The following FGF14 variants were observed in gnomAD, a reference collection of about 807,000 sequenced individuals.
FGF14 encodes fibroblast growth factor 14, also known as fibroblast growth factor homologous factor 4.
A neutral mutation model predicts 25.5 loss-of-function variants in FGF14; 5 were observed. The observed-to-expected ratio is 0.20, with a 90% CI of 0.10 to 0.41. FGF14 has a LOEUF of 0.41. Ranked by LOEUF, FGF14 falls within the 10% of genes least tolerant of loss-of-function variation. FGF14 has a pLI of 1.00. For synonymous variants in FGF14, 138 were observed against 118.3 expected (o/e 1.17, Z -1.08); for missense variants, 222 against 320.1 (o/e 0.69, Z 2.34).
intron 1 of FGF14, among the ~76,000 whole-genome samples, chr13:101,986,529 A>C (rs2038589312): frequency 6.6e-6 from 1 of 152,124 alleles, no homozygotes; most frequent in African/African-American, 2.4e-5. Context: ...GAGTGTTCTG[A>C]GTCAAATACA....
chr13:101,844,479 T>G (rs2043347642), intron 3 of FGF14, among the ~76,000 whole-genome samples: 1 of 152,016 alleles, frequency 6.6e-6, no homozygotes, highest in Non-Finnish European at 1.5e-5. Flanking sequence ...ATTACAGAAT[T>G]TAGCATTTTA....
intron 3 of FGF14, among the ~76,000 whole-genome samples, chr13:101,850,600 T>C (rs1353197125): frequency 7.5e-6 from 1 of 133,986 alleles, no homozygotes; most frequent in Admixed American, 7.8e-5. Context: ...ATTATATAAT[T>C]CTATATATAG....
intron 1 of FGF14, among the ~76,000 whole-genome samples, chr13:102,204,752 GGCCAC>G (rs2049829297): frequency 6.6e-6 from 1 of 151,942 alleles, no homozygotes; most frequent in Non-Finnish European, 1.5e-5. Flanking sequence ...TCACCATGTT[GGCCAC>G]GCTAGTCTCG....
At chr13:101,806,826 T>C (rs570850760) in intron 3 of FGF14, among the ~76,000 whole-genome samples, 1 of 152,276 alleles carries the variant, frequency 6.6e-6, no homozygotes, top group South Asian at 2.1e-4. Flanking sequence ...GACCTAATGA[T>C]GTCATGTTTG....
At chr13:102,091,687 A>G (rs2044173102) in intron 1 of FGF14, among the ~76,000 whole-genome samples, 1 of 151,952 alleles carries the variant, frequency 6.6e-6, no homozygotes, top group South Asian at 2.1e-4. Context: ...TTTGAGTTTC[A>G]CTAGACCTTC....
intron 1 of FGF14, among the ~76,000 whole-genome samples, chr13:101,877,956 C>T (rs938068856): frequency 1.3e-5 from 2 of 152,122 alleles, no homozygotes; most frequent in African/African-American, 4.8e-5. Flanking sequence ...ATTTTCACTG[C>T]CAGCCCCTCA....
chr13:101,732,236 T>TAG (rs1566829729), intron 3 of FGF14, among the ~76,000 whole-genome samples: 1 of 152,214 alleles, frequency 6.6e-6, no homozygotes, highest in Non-Finnish European at 1.5e-5. Context: ...ACCTTGGTGT[T>TAG]ATCTAAGACT....
chr13:102,170,054 G>C (rs1217293267), intron 1 of FGF14, among the ~76,000 whole-genome samples: 1 of 152,134 alleles, frequency 6.6e-6, no homozygotes, highest in African/African-American at 2.4e-5. Flanking sequence ...CAGGAAAGGG[G>C]CAAAGTCCTT....
intron 3 of FGF14, among the ~76,000 whole-genome samples, chr13:101,797,782 T>TG (rs2040635579): frequency 6.9e-6 from 1 of 145,158 alleles, no homozygotes; most frequent in Non-Finnish European, 1.5e-5. Context: ...TGTGTGTGTG[T>TG]TCAACCTCAG....
chr13:102,057,244 C>A (rs2042472869), intron 1 of FGF14, among the ~76,000 whole-genome samples: 1 of 152,086 alleles, frequency 6.6e-6, no homozygotes, highest in African/African-American at 2.4e-5. Context: ...TAACTAGATT[C>A]AGTCACCTTT....
At chr13:101,738,944 A>G (rs202154814) in intron 3 of FGF14, among the ~76,000 whole-genome samples, 17 of 84,078 alleles carry the variant, frequency 2.0e-4, no homozygotes, top group Non-Finnish European at 4.2e-4. Flanking sequence ...TATATATTGT[A>G]TGTGTGTGTG....
intron 3 of FGF14, among the ~76,000 whole-genome samples, chr13:101,727,515 A>G (rs2035521275): frequency 6.6e-6 from 1 of 152,162 alleles, no homozygotes; most frequent in Non-Finnish European, 1.5e-5. Context: ...TTTGGAAAGC[A>G]TACAGTTTGT....
chr13:102,028,763 C>G (rs185509968), intron 1 of FGF14, among the ~76,000 whole-genome samples: 1 of 151,926 alleles, frequency 6.6e-6, no homozygotes, highest in East Asian at 2.0e-4. Context: ...GCCCTTCTTT[C>G]AGAATAATTG....
intron 3 of FGF14, among the ~76,000 whole-genome samples, chr13:101,740,827 T>C (rs1197214469): frequency 6.6e-6 from 1 of 152,210 alleles, no homozygotes; most frequent in Non-Finnish European, 1.5e-5. Context: ...GGGTATGTCT[T>C]TTTTTCAGTA....
chr13:102,083,678 G>A (rs772587009), intron 1 of FGF14, among the ~76,000 whole-genome samples: 7 of 152,272 alleles, frequency 4.6e-5, no homozygotes, highest in Non-Finnish European at 7.4e-5. Flanking sequence ...TTCATGTATC[G>A]ATTTATGATT....
At chr13:102,017,386 T>C (rs1000197822) in intron 1 of FGF14, among the ~76,000 whole-genome samples, 2 of 152,206 alleles carry the variant, frequency 1.3e-5, no homozygotes, top group Non-Finnish European at 2.9e-5. Context: ...TGGCTGGATA[T>C]AGGAATCTAG....
At chr13:102,163,032 C>T (rs1438907513) in intron 1 of FGF14, among the ~76,000 whole-genome samples, 1 of 152,244 alleles carries the variant, frequency 6.6e-6, no homozygotes, top group South Asian at 2.1e-4. Context: ...AAAAATACAT[C>T]CACATATTTC....
intron 3 of FGF14, among the ~76,000 whole-genome samples, chr13:101,861,774 A>C (rs1281530905): frequency 6.6e-6 from 1 of 151,986 alleles, no homozygotes; most frequent in Admixed American, 6.6e-5. Flanking sequence ...GCAATGACAA[A>C]TGTTTCGTAG....
intron 1 of FGF14, among the ~76,000 whole-genome samples, chr13:101,921,964 G>T (rs1239878635): frequency 6.6e-6 from 1 of 152,072 alleles, no homozygotes; most frequent in African/African-American, 2.4e-5. Context: ...AAATTTCCAT[G>T]TACTTTCCTT....
Sources: allele counts gnomAD v4.1 joint callset (sites outside exome capture counted in the v4.1 genomes callset), GRCh38; gene constraint gnomAD v4.1.1; transcripts MANE v1.5; gene names NCBI Gene and HGNC (gene_info 2026-07-23, HGNC 2026-07-21).